The following MCTP1 variants were observed in gnomAD, a reference collection of about 807,000 sequenced individuals.
MCTP1 encodes the protein multiple C2 and transmembrane domain containing 1, also known as multiple C2 and transmembrane domain-containing protein 1.
A neutral mutation model predicts 120.6 loss-of-function variants in MCTP1; 69 were observed. The observed-to-expected ratio is 0.57, with a 90% CI of 0.47 to 0.70. MCTP1 has a LOEUF of 0.70. MCTP1 is among the 30% of genes least tolerant of loss of function. The pLI is 0.00. For synonymous variants in MCTP1, 529 were observed against 493.1 expected (o/e 1.07, Z -0.96); for missense variants, 1,203 against 1,248.8 (o/e 0.96, Z 0.55).
intron 17 of MCTP1, among the ~76,000 whole-genome samples, chr5:94,854,799 C>G (rs1794432953): frequency 6.6e-6 from 1 of 151,866 alleles, no homozygotes. Context: ...AATAATATTT[C>G]ATAGGATTTA....
rs182466702 is a variant in MCTP1, at chr5:94,833,858, A to G, written c.2436+34475T>C. Among the ~76,000 whole-genome samples the G allele has an allele frequency of 2.0e-5, 3 of 152,330 alleles. No individual in the cohort carries two copies. The East Asian group carries it at 5.8e-4, about 29-fold the overall frequency. On this transcript the variant is annotated intron_variant, in intron 17 of 22. Transcript: ENST00000515393. ...GTTTACGAATGCATAATAACTTAAGAAAGTGAGAAAAAAAATAGATTTATC... is the reference window on the plus strand; with the variant it reads ...GTTTACGAATGCATAATAACTTAAGGAAGTGAGAAAAAAAATAGATTTATC...
At chr5:95,036,542 G>C (rs982629401) in intron 1 of MCTP1, among the ~76,000 whole-genome samples, 18 of 151,852 alleles carry the variant, frequency 1.2e-4, no homozygotes, top group African/African-American at 4.4e-4. Context: ...CTTTTTCCCC[G>C]CGGATTACAA....
At chr5:95,040,953 G>T (rs1452735043) in intron 1 of MCTP1, among the ~76,000 whole-genome samples, 1 of 152,146 alleles carries the variant, frequency 6.6e-6, no homozygotes, top group Non-Finnish European at 1.5e-5. Flanking sequence ...AATAGTGGAG[G>T]CTGGGTGGAG....
chr5:94,903,440 T>A (rs755756804), intron 10 of MCTP1, among the ~76,000 whole-genome samples: 4 of 152,216 alleles, frequency 2.6e-5, no homozygotes, highest in Non-Finnish European at 5.9e-5. Flanking sequence ...CACATGAAAC[T>A]TGAACACACA....
chr5:95,152,459 T>C (rs1392738704), intron 1 of MCTP1, among the ~76,000 whole-genome samples: 1 of 152,216 alleles, frequency 6.6e-6, no homozygotes, highest in Non-Finnish European at 1.5e-5. Context: ...TCATCAGATA[T>C]ATGGATATAA....
intron 1 of MCTP1, among the ~76,000 whole-genome samples, chr5:95,220,105 A>G (rs1360810963): frequency 2.0e-5 from 3 of 152,188 alleles, no homozygotes; most frequent in African/African-American, 7.2e-5. Context: ...TCTGACTTTC[A>G]GAACTCAAGA....
At chr5:95,081,377 T>C (rs1374070003) in intron 1 of MCTP1, 22 of 1,547,358 alleles carry the variant, frequency 1.4e-5, no homozygotes, top group Non-Finnish European at 1.9e-5. Context: ...AACTGCCACA[T>C]TAATTTAAGG....
intron 1 of MCTP1, among the ~76,000 whole-genome samples, chr5:95,041,855 A>G (rs1317413756): frequency 1.3e-5 from 2 of 152,218 alleles, no homozygotes; most frequent in Non-Finnish European, 2.9e-5. Flanking sequence ...AGATTAACAT[A>G]CACTTCTTCA....
intron 2 of MCTP1, among the ~76,000 whole-genome samples, chr5:95,008,824 A>C (rs772666387): frequency 1.3e-5 from 2 of 152,112 alleles, no homozygotes; most frequent in Admixed American, 6.6e-5. Context: ...ACAGTGATGC[A>C]TCTATAAGCC....
intron 7 of MCTP1, among the ~76,000 whole-genome samples, chr5:94,922,500 T>A (rs1445949599): frequency 6.6e-6 from 1 of 150,542 alleles, no homozygotes; most frequent in Non-Finnish European, 1.5e-5. Flanking sequence ...CCCCCCTTTT[T>A]TTTTTGAAAT....
chr5:94,929,933 A>G (rs978237010), intron 6 of MCTP1, among the ~76,000 whole-genome samples: 2 of 152,318 alleles, frequency 1.3e-5, no homozygotes, highest in Non-Finnish European at 2.9e-5. Flanking sequence ...AATTTTTCAA[A>G]GTTGAAAATC....
intron 1 of MCTP1, among the ~76,000 whole-genome samples, chr5:95,232,822 T>C (rs1481648333): frequency 6.6e-6 from 1 of 152,200 alleles, no homozygotes; most frequent in African/African-American, 2.4e-5. Context: ...TATATTAATA[T>C]TAGACAAAGT....
At chr5:94,724,144 A>G (rs1167226950) in intron 19 of MCTP1, among the ~76,000 whole-genome samples, 1 of 152,200 alleles carries the variant, frequency 6.6e-6, no homozygotes, top group Non-Finnish European at 1.5e-5. Context: ...TGTACATAAA[A>G]TATTTTTTAA....
intron 17 of MCTP1, among the ~76,000 whole-genome samples, chr5:94,856,304 C>T (rs1794717078): frequency 2.0e-5 from 3 of 151,568 alleles, no homozygotes; most frequent in South Asian, 2.1e-4. Context: ...AGTGTGGTTA[C>T]GATATAATCA....
In MCTP1 at chr5:95,266,381, T is replaced by G. The variant is rs1431378246; in HGVS notation, c.720+17475A>C. 2.6e-5 allele frequency among the ~76,000 whole-genome samples: 4 copies of G among 152,232 alleles called. No homozygotes were observed. The East Asian group carries it at 7.7e-4, about 29-fold the overall frequency. ...ATGAGTTTCCTTCCTTGAGGAAGAATGCACAATTCTGGTTTTGTGTACATT... is the reference window on the plus strand; with the variant it reads ...ATGAGTTTCCTTCCTTGAGGAAGAAGGCACAATTCTGGTTTTGTGTACATT... On this transcript the variant is annotated intron_variant, in intron 1 of 22. Coordinates refer to ENST00000515393, the MANE Select transcript of MCTP1 (RefSeq NM_024717.7).
intron 1 of MCTP1, among the ~76,000 whole-genome samples, chr5:95,275,887 A>C (rs1249534768): frequency 6.6e-6 from 1 of 152,132 alleles, no homozygotes; most frequent in Non-Finnish European, 1.5e-5. Context: ...AAGGAGAAAG[A>C]AGAAAGCTGG....
intron 1 of MCTP1, among the ~76,000 whole-genome samples, chr5:95,077,487 T>G (rs1489623523): frequency 6.6e-6 from 1 of 152,116 alleles, no homozygotes; most frequent in African/African-American, 2.4e-5. Context: ...CTTTTTTTTT[T>G]TTTGAGACGG....
chr5:95,121,006 C>T (rs547464634), intron 1 of MCTP1, among the ~76,000 whole-genome samples: 6 of 152,060 alleles, frequency 3.9e-5, no homozygotes, highest in South Asian at 2.1e-4. Flanking sequence ...TGGCCAGGCG[C>T]GGTGGCTCAT....
intron 1 of MCTP1, among the ~76,000 whole-genome samples, chr5:95,116,507 G>A (rs896238303): frequency 2.0e-5 from 3 of 151,720 alleles, no homozygotes; most frequent in African/African-American, 7.3e-5. Context: ...GATTGTCTTG[G>A]CTATTCAAGC....
Sources: allele counts gnomAD v4.1 joint callset (sites outside exome capture counted in the v4.1 genomes callset), GRCh38; gene constraint gnomAD v4.1.1; transcripts MANE v1.5; gene names NCBI Gene and HGNC (gene_info 2026-07-23, HGNC 2026-07-21).